The following ADAM22 variants were observed in gnomAD, a reference collection of about 807,000 sequenced individuals.
The protein encoded by ADAM22 is ADAM metallopeptidase domain 22, also known as disintegrin and metalloproteinase domain-containing protein 22.
A neutral mutation model predicts 144.6 loss-of-function variants in ADAM22; 65 were observed. The ratio of observed to expected loss-of-function variants is 0.45; its 90% CI spans 0.37 to 0.55. The LOEUF (loss-of-function observed/expected upper bound fraction) is 0.55, where lower values mean the gene tolerates loss of function less well. ADAM22 is among the 20% of genes least tolerant of loss of function. The probability of loss-of-function intolerance (pLI) is 0.00; values close to 1 mark genes in which losing one functional copy is unlikely to be tolerated. For missense variants in ADAM22, 974 were observed against 1,184.9 expected (o/e 0.82, Z 2.61); for synonymous variants, 391 against 412.6 (o/e 0.95, Z 0.63).
intron 26 of ADAM22, among the ~76,000 whole-genome samples, chr7:88,176,619 C>T (rs1268704259): frequency 1.3e-5 from 2 of 152,126 alleles, no homozygotes; most frequent in East Asian, 1.9e-4. Context: ...CATCTACATC[C>T]TCAGTGTCAG....
chr7:87,996,598 A>AGGGGGTCGGCC, intron 3 of ADAM22, among the ~76,000 whole-genome samples: 1 of 152,344 alleles, frequency 6.6e-6, no homozygotes, highest in Middle Eastern at 3.4e-3. Context: ...ACTGAAGGGA[A>AGGGGGTCGGCC]TATTATTGGG....
chr7:88,109,536 T>C (rs1286553557), intron 5 of ADAM22, among the ~76,000 whole-genome samples: 1 of 152,116 alleles, frequency 6.6e-6, no homozygotes, highest in African/African-American at 2.4e-5. Context: ...AATTCCTTTT[T>C]GTTACCATCT....
rs17150277 is a variant in ADAM22, at chr7:88,148,768, A to G, written c.1486-209A>G. ...TATAATATAAGGCTTATGTGTAATG[A>G]CTATGGAAATTACATCATACACAAG... On this transcript the variant is annotated intron_variant, in intron 17 of 31. Coordinates refer to ENST00000413139, the MANE Select transcript of ADAM22 (RefSeq NM_001324418.2). Among the ~76,000 whole-genome samples the G allele has an allele frequency of 5.1e-3, 780 of 152,308 alleles. 11 individuals carry two copies. Among genetic ancestry groups the G allele is most frequent in the African/African-American group, 0.018 (748 of 41,566 alleles).
intron 7 of ADAM22, among the ~76,000 whole-genome samples, chr7:88,121,130 T>A (rs1176056746): frequency 6.6e-6 from 1 of 152,164 alleles, no homozygotes; most frequent in African/African-American, 2.4e-5. Context: ...TATCACACTT[T>A]GTTTTGCTTA....
intron 25 of ADAM22, among the ~76,000 whole-genome samples, chr7:88,169,281 C>G (rs1441054765): frequency 1.3e-5 from 2 of 151,976 alleles, no homozygotes; most frequent in Non-Finnish European, 2.9e-5. Flanking sequence ...ATGAGTAGCG[C>G]AGAGAGCATA....
intron 4 of ADAM22, among the ~76,000 whole-genome samples, chr7:88,101,498 T>C (rs1822927791): frequency 6.6e-6 from 1 of 152,134 alleles, no homozygotes; most frequent in African/African-American, 2.4e-5. Flanking sequence ...GAAATACCAG[T>C]ATCCTGGGAA....
chr7:87,985,249 C>A, intron 3 of ADAM22, among the ~76,000 whole-genome samples: 1 of 151,068 alleles, frequency 6.6e-6, no homozygotes, highest in East Asian at 1.9e-4. Context: ...GGAGGCAGAG[C>A]TTGCAGTGAG....
At chr7:88,164,179 G>C (rs1292905079) in intron 23 of ADAM22, among the ~76,000 whole-genome samples, 1 of 152,006 alleles carries the variant, frequency 6.6e-6, no homozygotes, top group Admixed American at 6.6e-5. Flanking sequence ...AGGATGTTAG[G>C]GGATAAGAGG....
intron 4 of ADAM22, among the ~76,000 whole-genome samples, chr7:88,095,775 C>A (rs1044273886): frequency 2.0e-5 from 3 of 151,766 alleles, no homozygotes; most frequent in African/African-American, 7.3e-5. Context: ...CAGTGTTTTG[C>A]TATATTAGCT....
At chr7:88,008,034 A>T (rs1794398557) in intron 3 of ADAM22, among the ~76,000 whole-genome samples, 1 of 152,220 alleles carries the variant, frequency 6.6e-6, no homozygotes, top group Admixed American at 6.5e-5. Flanking sequence ...ATCTACAACG[A>T]ACTCAAACAA....
chr7:88,135,429 A>G (rs1832790737), intron 13 of ADAM22, among the ~76,000 whole-genome samples: 1 of 152,138 alleles, frequency 6.6e-6, no homozygotes, highest in Non-Finnish European at 1.5e-5. Flanking sequence ...CCCATTTTAC[A>G]GATGAAGTGA....
At chr7:88,182,084 A>C in intron 29 of ADAM22, 60 bp downstream of exon 29, 1 of 1,424,920 alleles carries the variant, frequency 7.0e-7, no homozygotes, top group Non-Finnish European at 9.7e-7. Flanking sequence ...TAGTGTCAAA[A>C]GTAAATTAAG....
chr7:88,039,464 A>AAAAAAAAAAAAAAAAAAAAAATATATAT, intron 3 of ADAM22, among the ~76,000 whole-genome samples: 2 of 76,396 alleles, frequency 2.6e-5, no homozygotes, highest in African/African-American at 4.7e-5. Context: ...AAAAAAAAAA[A>AAAAAAAAAAAAAAAAAAAAAATATATAT]ATATATATAT....
chr7:88,108,247 C>G lies in ADAM22; in HGVS notation c.462C>G (p.Cys154Trp). The change falls in exon 5 of 32, where the codon TGC becomes TGG. Residue 154 changes from cysteine (C) to tryptophan (W), a missense_variant. Around this residue, in one of 2 missense-constraint regions of ADAM22, gnomAD observed 240 missense variants for 234.3 expected, o/e 1.02. Coordinates refer to ENST00000413139, the MANE Select transcript of ADAM22 (RefSeq NM_001324418.2). ...ACTCATTTGTTGCATTGTCAACATG[C>G]CACGGACTTCAGTAAGTGTTCAAAA... ...NPDSFVALSTCHGLHGMFYDG... is the reference protein window; with the variant it reads ...NPDSFVALSTWHGLHGMFYDG... The G allele has an allele frequency of 6.2e-7, 1 of 1,613,180 alleles. No homozygotes were observed. The highest frequency in any genetic ancestry group is 8.5e-7 in the Non-Finnish European group (1 of 1,179,606).
At chr7:88,026,324 A>G (rs539828873) in intron 3 of ADAM22, among the ~76,000 whole-genome samples, 2 of 152,328 alleles carry the variant, frequency 1.3e-5, no homozygotes, top group South Asian at 4.1e-4. Flanking sequence ...AGCAGGACCA[A>G]CAGAGAAGGG....
chr7:88,019,836 C>T (rs1053493517), intron 3 of ADAM22, among the ~76,000 whole-genome samples: 3 of 142,134 alleles, frequency 2.1e-5, no homozygotes, highest in African/African-American at 5.2e-5. Flanking sequence ...GGCGACAGAG[C>T]GTGACTCTAT....
At chr7:88,174,948 A>G (rs1460727700) in intron 26 of ADAM22, among the ~76,000 whole-genome samples, 1 of 152,082 alleles carries the variant, frequency 6.6e-6, no homozygotes, top group Non-Finnish European at 1.5e-5. Context: ...CTTGGTACAC[A>G]TTATACAGTA....
chr7:88,070,162 A>T (rs1265134498), intron 3 of ADAM22, among the ~76,000 whole-genome samples: 1 of 152,082 alleles, frequency 6.6e-6, no homozygotes, highest in Admixed American at 6.6e-5. Context: ...TCTCATTGGC[A>T]TTTACCCCAT....
At position 88,151,188 on chromosome 7, in the gene ADAM22, G is replaced by C; in HGVS notation, c.1618-69G>C. 3.8e-6 allele frequency: 6 copies of C among 1,596,638 alleles called. No homozygotes were observed. The Admixed American group carries it at 1.0e-4, about 27-fold the overall frequency. Reference sequence around the variant, plus strand: ...TCATCTATTATTTTTCCCAATCATAGTTTCTTTTTCAGTTATCTGACATAA... The same window carrying C: ...TCATCTATTATTTTTCCCAATCATACTTTCTTTTTCAGTTATCTGACATAA... On this transcript the variant is annotated intron_variant, in intron 19 of 31. Transcript: ENST00000413139.
Sources: allele counts gnomAD v4.1 joint callset (sites outside exome capture counted in the v4.1 genomes callset), GRCh38; gene constraint gnomAD v4.1.1; regional missense constraint gnomAD v4.1.1; transcripts MANE v1.5; gene names NCBI Gene and HGNC (gene_info 2026-07-23, HGNC 2026-07-21).